ARNT2: variants seen among roughly 807,000 people sequenced by gnomAD.
The protein encoded by ARNT2 is aryl hydrocarbon receptor nuclear translocator 2.
A neutral mutation model predicts 91.7 loss-of-function variants in ARNT2; 36 were observed. The ratio of observed to expected loss-of-function variants is 0.39; its 90% CI spans 0.30 to 0.52. The LOEUF (loss-of-function observed/expected upper bound fraction) is 0.52. ARNT2 is among the 20% of genes least tolerant of loss of function. ARNT2 has a pLI of 0.72. For synonymous variants in ARNT2, 365 were observed against 347.1 expected (o/e 1.05, Z -0.57); for missense variants, 775 against 939.3 (o/e 0.83, Z 2.29).
chr15:80,457,500 T>C lies in ARNT2; in HGVS notation c.147-429T>C, dbSNP rs193212352. Among the ~76,000 whole-genome samples the C allele has an allele frequency of 5.6e-3, 847 of 152,352 alleles. 8 individuals carry two copies. Among genetic ancestry groups the C allele is most frequent in the African/African-American group, 0.019 (804 of 41,578 alleles). Reference sequence around the variant, plus strand: ...AATCCCGTGAGCCTTTTTAGGCTCTTAATATACCACAAGATAAACTAAGAA... The same window carrying C: ...AATCCCGTGAGCCTTTTTAGGCTCTCAATATACCACAAGATAAACTAAGAA... On this transcript the variant is annotated intron_variant, in intron 2 of 18. Transcript: ENST00000303329.
At chr15:80,532,016 A>T (rs1381862102) in intron 8 of ARNT2, among the ~76,000 whole-genome samples, 2 of 152,176 alleles carry the variant, frequency 1.3e-5, no homozygotes, top group Non-Finnish European at 1.5e-5. Flanking sequence ...TTGTGCTAGG[A>T]TGGCCTTATC....
At chr15:80,435,317 G>A (rs1055170824) in intron 1 of ARNT2, among the ~76,000 whole-genome samples, 2 of 152,080 alleles carry the variant, frequency 1.3e-5, no homozygotes, top group African/African-American at 4.8e-5. Flanking sequence ...TTTAAGTTTT[G>A]GTTCTCACTT....
At chr15:80,447,201 A>G (rs945381651) in intron 1 of ARNT2, among the ~76,000 whole-genome samples, 3 of 152,060 alleles carry the variant, frequency 2.0e-5, no homozygotes, top group Non-Finnish European at 4.4e-5. Context: ...GGGAGAAGCT[A>G]TGTCTGTGTT....
At chr15:80,461,727 A>C (rs79147476) in intron 3 of ARNT2, among the ~76,000 whole-genome samples, 5,418 of 152,112 alleles carry the variant, frequency 0.036, 207 homozygotes, top group Admixed American at 0.11. Flanking sequence ...AGAGCCTAGA[A>C]GGTGGCAGAG....
chr15:80,518,277 C>CTTTTTTT (rs56726705), intron 8 of ARNT2, among the ~76,000 whole-genome samples: 292 of 89,302 alleles, frequency 3.3e-3, no homozygotes, highest in African/African-American at 3.6e-3. Context: ...TTTTTCTATT[C>CTTTTTTT]TTTTTTTTTT....
chr15:80,593,807 A>G lies in ARNT2; in HGVS notation c.*109A>G. 3.1e-6 allele frequency: 3 copies of G among 978,652 alleles called. No individual in the cohort carries two copies. The highest frequency in any genetic ancestry group is 4.6e-6 in the Non-Finnish European group (3 of 653,650). The allele number at this position is 978,652 out of a possible 1,614,324, so 60.6% of individuals were successfully genotyped here. ...CTGCTTGCCCTGCCGCAGGCCCCCC[A>G]CCAGAAGCCATCTCCCCCGCTGTGT... On this transcript the variant is annotated 3_prime_UTR_variant, in exon 19 of 19. Coordinates refer to ENST00000303329, the MANE Select transcript of ARNT2 (RefSeq NM_014862.4).
At chr15:80,466,785 G>A (rs1210279851) in intron 3 of ARNT2, among the ~76,000 whole-genome samples, 18 of 152,196 alleles carry the variant, frequency 1.2e-4, no homozygotes. Flanking sequence ...TGGTAACTCA[G>A]TATTATTTCA....
Position 80,404,557 on chromosome 15 carries a change from GC to G in ARNT2, c.31+13del. ...CGGTCAACCCTCCGGGTGAGTAGCGGCCTGGGCCCCGCCGCCCGCCGCAGCC... is the reference window on the plus strand; with the variant it reads ...CGGTCAACCCTCCGGGTGAGTAGCGGCTGGGCCCCGCCGCCCGCCGCAGCC... On this transcript the variant is annotated intron_variant, in intron 1 of 18. Coordinates refer to ENST00000303329, the MANE Select transcript of ARNT2 (RefSeq NM_014862.4). The surrounding 1 kb of genome is among the most constrained non-coding windows in gnomAD (Gnocchi z 5.5). 1 of 1,127,470 alleles carries G rather than the reference GC, an allele frequency of 8.9e-7. No individual in the cohort carries two copies. The allele number at this position is 1,127,470 out of a possible 1,614,324, so 69.8% of individuals were successfully genotyped here.
intron 1 of ARNT2, among the ~76,000 whole-genome samples, chr15:80,413,252 C>T (rs189779423): frequency 2.6e-5 from 4 of 152,306 alleles, no homozygotes; most frequent in African/African-American, 9.6e-5. Flanking sequence ...TGTTCTCCCT[C>T]CACCCCCTCC....
chr15:80,468,284 C>A (rs1896685977), intron 3 of ARNT2, among the ~76,000 whole-genome samples: 1 of 152,110 alleles, frequency 6.6e-6, no homozygotes, highest in Non-Finnish European at 1.5e-5. Flanking sequence ...CCTCCCCAAC[C>A]CTGAACCTCT....
chr15:80,505,970 C>T (rs567038519), intron 5 of ARNT2, among the ~76,000 whole-genome samples: 44 of 125,872 alleles, frequency 3.5e-4, no homozygotes, highest in Non-Finnish European at 5.6e-4. Flanking sequence ...TGCTCTGTCG[C>T]CCAGGCCGTA....
chr15:80,503,505 C>T (rs1046766102), intron 5 of ARNT2, among the ~76,000 whole-genome samples: 6 of 152,158 alleles, frequency 3.9e-5, no homozygotes, highest in Admixed American at 3.9e-4. Context: ...TTTTCATTTC[C>T]TCATGTTCCA....
chr15:80,424,199 A>G (rs1895902206), intron 1 of ARNT2, among the ~76,000 whole-genome samples: 1 of 152,158 alleles, frequency 6.6e-6, no homozygotes, highest in African/African-American at 2.4e-5. Context: ...ATGGGGTCAG[A>G]CTTACCTGGG....
At chr15:80,415,484 T>C (rs1259638520) in intron 1 of ARNT2, among the ~76,000 whole-genome samples, 2 of 152,082 alleles carry the variant, frequency 1.3e-5, no homozygotes, top group African/African-American at 2.4e-5. Flanking sequence ...CAGGAGGCCA[T>C]TGAAGTGTGG....
intron 1 of ARNT2, among the ~76,000 whole-genome samples, chr15:80,448,892 G>T (rs1360887049): frequency 6.6e-6 from 1 of 152,184 alleles, no homozygotes; most frequent in Admixed American, 6.5e-5. Flanking sequence ...GGCTGAGGCA[G>T]GAGAATGGCG....
In ARNT2 at chr15:80,552,711, C is replaced by T. The variant is rs377257775; in HGVS notation, c.1026C>T (p.Asn342=). The change falls in exon 10 of 19, where the codon AAC becomes AAT. Residue 342 remains asparagine, a synonymous_variant. Transcript: ENST00000303329. Reference sequence around the variant, plus strand: ...CCACAGAGTTCTTATCCCGGCATAACTCCGATGGAATCATCACATTTGTGG... The same window carrying T: ...CCACAGAGTTCTTATCCCGGCATAATTCCGATGGAATCATCACATTTGTGG... ...SVPTEFLSRH[N]SDGIITFVDP... 2 of 1,614,146 alleles carry T rather than the reference C, an allele frequency of 1.2e-6. No individual in the cohort carries two copies. The highest frequency in any genetic ancestry group is 1.3e-5 in the African/African-American group (1 of 75,046).
In ARNT2 at chr15:80,517,096, T is replaced by C. The variant is rs562848767; in HGVS notation, c.877+2691T>C. 2.8e-4 allele frequency among the ~76,000 whole-genome samples: 42 copies of C among 152,136 alleles called. 1 individual carries two copies. In the South Asian group the frequency reaches 8.7e-3, roughly 32 times the overall value. ...TTTATTCCTTCTCTGATGCTCTTCT[T>C]CCAAGGAACTTATTTTAGTATTTCT... On this transcript the variant is annotated intron_variant, in intron 8 of 18. Transcript: ENST00000303329.
chr15:80,566,791 T>C (rs1898492927), intron 12 of ARNT2, among the ~76,000 whole-genome samples: 1 of 152,248 alleles, frequency 6.6e-6, no homozygotes, highest in South Asian at 2.1e-4. Context: ...TGACTTGATA[T>C]TCTGATTCTT....
chr15:80,574,229 C>T lies in ARNT2; in HGVS notation c.1389+9C>T. ...CGTATGACTTATCCCAGGTGAGTTTCTGGAAAACCCTTTCCCTGTTGGAAT... is the reference window on the plus strand; with the variant it reads ...CGTATGACTTATCCCAGGTGAGTTTTTGGAAAACCCTTTCCCTGTTGGAAT... On this transcript the variant is annotated intron_variant, in intron 13 of 18. Transcript: ENST00000303329. 1 of 1,613,402 alleles carries T rather than the reference C, an allele frequency of 6.2e-7. No individual in the cohort carries two copies. Among genetic ancestry groups the T allele is most frequent in the Non-Finnish European group, 8.5e-7 (1 of 1,179,308 alleles).
Sources: gnomAD v4.1 joint callset for allele counts (sites outside exome capture counted in the v4.1 genomes callset) on GRCh38, gnomAD v4.1.1 for gene constraint, Gnocchi (gnomAD v3.1) non-coding constraint, MANE v1.5 for transcripts, NCBI Gene and HGNC (gene_info 2026-07-23, HGNC 2026-07-21) for gene names.